SOBP: variants seen among roughly 807,000 people sequenced by gnomAD.
SOBP encodes sine oculis binding protein homolog.
SOBP carries 4 observed loss-of-function variants against 53.6 expected under a neutral mutation model. The ratio of observed to expected loss-of-function variants is 0.07; its 90% CI spans 0.04 to 0.17. The LOEUF (loss-of-function observed/expected upper bound fraction) is 0.17, where lower values mean the gene tolerates loss of function less well. Among genes scored for constraint, SOBP ranks in the 10% least tolerant of loss-of-function variants. The probability of loss-of-function intolerance (pLI) is 1.00; values close to 1 mark genes in which losing one functional copy is unlikely to be tolerated. For missense variants in SOBP, 1,088 were observed against 1,204.7 expected, an observed-to-expected ratio of 0.90 and a Z score of 1.43; for synonymous variants, 584 against 522.6, an observed-to-expected ratio of 1.12 and a Z score of -1.60.
At chr6:107,500,723 C>T (rs1474406403) in intron 1 of SOBP, among the ~76,000 whole-genome samples, 1 of 151,914 alleles carries the variant, frequency 6.6e-6, no homozygotes, top group East Asian at 1.9e-4. Context: ...GATGGGGTTT[C>T]ACCATGTTAG....
rs182029387 is a variant in SOBP at position 107,602,699 on chromosome 6, C to A, written c.669+15524C>A. ...CTCAGGTTATGTGAAGGGGTCTATT[C>A]CAGTTATGTCCTGATTTATGCTAAA... is the stretch of plus-strand genomic sequence containing the variant. On this transcript the variant is annotated intron_variant, in intron 5 of 6. Coordinates refer to ENST00000317357, the MANE Select transcript of SOBP (RefSeq NM_018013.4). Among the ~76,000 whole-genome samples the A allele has an allele frequency of 1.8e-3, 273 of 152,116 alleles. 1 individual carries two copies. Among genetic ancestry groups the A allele is most frequent in the African/African-American group, 6.3e-3 (263 of 41,510 alleles).
chr6:107,621,072 C>G, intron 5 of SOBP: 1 of 538,344 alleles, frequency 1.9e-6, no homozygotes, highest in Non-Finnish European at 2.4e-6. Flanking sequence ...GGTATGTTAT[C>G]TGGCTGCTTG....
intron 5 of SOBP, among the ~76,000 whole-genome samples, chr6:107,625,200 G>T (rs1770403219): frequency 6.6e-6 from 1 of 152,186 alleles, no homozygotes; most frequent in Non-Finnish European, 1.5e-5. Flanking sequence ...ACATCAAACT[G>T]GGGCTTGCAG....
At chr6:107,622,996 C>T (rs1395135310) in intron 5 of SOBP, among the ~76,000 whole-genome samples, 3 of 152,194 alleles carry the variant, frequency 2.0e-5, no homozygotes, top group East Asian at 3.8e-4. Context: ...GGGAATCCTA[C>T]TTTGACCACC....
At chr6:107,599,926 C>T (rs1786114750) in intron 5 of SOBP, among the ~76,000 whole-genome samples, 1 of 152,200 alleles carries the variant, frequency 6.6e-6, no homozygotes, top group Admixed American at 6.5e-5. Flanking sequence ...GGCAAAATGT[C>T]GTTTAGTCAA....
chr6:107,624,785 T>TAGA (rs1249130039), intron 5 of SOBP, among the ~76,000 whole-genome samples: 1 of 152,184 alleles, frequency 6.6e-6, no homozygotes, highest in Non-Finnish European at 1.5e-5. Context: ...GACCTATGTG[T>TAGA]AGAAGGAAAC....
chr6:107,527,979 C>G (rs1337285451), intron 3 of SOBP, among the ~76,000 whole-genome samples: 1 of 152,168 alleles, frequency 6.6e-6, no homozygotes, highest in Non-Finnish European at 1.5e-5. Context: ...TTTGGCTGCC[C>G]TCAGGTTGCC....
At position 107,634,896 on chromosome 6, in the gene SOBP, C is replaced by G; in HGVS notation, c.2052C>G (p.Ala684=). ...TCAAGGCGGAGCGCGAGCCGAGCGC[C>G]GCGGAGCGCAGGACCTGCGGCGGCT... ...AHVKAEREPS[A]AERRTCGGCR... Residue 684 remains alanine (A), a synonymous_variant, in exon 6 of 7, where the codon GCC becomes GCG. Coordinates refer to ENST00000317357, the MANE Select transcript of SOBP (RefSeq NM_018013.4). This position sits in a 1 kb window ranked among gnomAD's most constrained non-coding sequence, Gnocchi z 4.5. The G allele has an allele frequency of 7.7e-7, 1 of 1,300,668 alleles. No individual in the cohort carries two copies. The highest frequency in any genetic ancestry group is 9.9e-7 in the Non-Finnish European group (1 of 1,014,232). The allele number at this position is 1,300,668 out of a possible 1,614,324, so 80.6% of individuals were successfully genotyped here.
intron 4 of SOBP, among the ~76,000 whole-genome samples, chr6:107,569,027 A>G (rs928531046): frequency 6.6e-6 from 1 of 152,214 alleles, no homozygotes; most frequent in Non-Finnish European, 1.5e-5. Context: ...TTGTTTTAAA[A>G]GAGTTATTTT....
chr6:107,634,252 G>A lies in SOBP; in HGVS notation c.1408G>A (p.Gly470Arg), dbSNP rs1384706046. 2 of 1,373,382 alleles carry A rather than the reference G, an allele frequency of 1.5e-6. No individual in the cohort carries two copies. The highest frequency in any genetic ancestry group is 1.9e-4 in the Middle Eastern group (1 of 5,228). The allele number at this position is 1,373,382 out of a possible 1,614,324, so 85.1% of individuals were successfully genotyped here. Residue 470 changes from glycine (G) to arginine (R), a missense_variant, in exon 6 of 7, where the codon GGG (glycine) becomes AGG (arginine). This residue lies in a region of SOBP where 665 missense variants were observed against 629.7 expected (regional missense o/e 1.06). Coordinates refer to ENST00000317357, the MANE Select transcript of SOBP (RefSeq NM_018013.4). This position sits in a 1 kb window ranked among gnomAD's most constrained non-coding sequence, Gnocchi z 4.5. Reference sequence around the variant, plus strand: ...CCCCCCGAGCACCCCCACCATGCCCGGGAACCCCCCAGGCCTGCTGCCCCC... The same window carrying A: ...CCCCCCGAGCACCCCCACCATGCCCAGGAACCCCCCAGGCCTGCTGCCCCC... The part of the protein sequence containing the change: ...IHPPSTPTMP[G>R]NPPGLLPPPP...
chr6:107,583,299 A>G (rs1318652803), intron 4 of SOBP, among the ~76,000 whole-genome samples: 6 of 152,196 alleles, frequency 3.9e-5, no homozygotes, highest in Non-Finnish European at 8.8e-5. Flanking sequence ...CTTGTAGGCT[A>G]CTAGGGGAGA....
intron 5 of SOBP, among the ~76,000 whole-genome samples, chr6:107,620,939 T>C (rs144658847): frequency 0.025 from 3,836 of 152,282 alleles, 73 homozygotes; most frequent in Middle Eastern, 0.051. Flanking sequence ...ATTTCCTCCT[T>C]CAGAGTAGGC....
intron 6 of SOBP, among the ~76,000 whole-genome samples, chr6:107,650,677 G>A (rs1222192104): frequency 1.3e-5 from 2 of 152,120 alleles, no homozygotes; most frequent in South Asian, 2.1e-4. Context: ...CCACCAACTG[G>A]CTGTTCCCCC....
chr6:107,496,868 A>G (rs910067369), intron 1 of SOBP, among the ~76,000 whole-genome samples: 1 of 152,242 alleles, frequency 6.6e-6, no homozygotes, highest in Non-Finnish European at 1.5e-5. Flanking sequence ...TTTCTTTTGC[A>G]CTATTTAAAT....
intron 4 of SOBP, 48 bp from the exon 5 acceptor site, chr6:107,587,032 C>A: frequency 7.1e-7 from 1 of 1,416,294 alleles, no homozygotes; most frequent in South Asian, 1.1e-5. Flanking sequence ...AGCTTTTTTT[C>A]TTCCATTATT....
chr6:107,532,906 T>C (rs1263047984), intron 3 of SOBP, among the ~76,000 whole-genome samples: 1 of 152,220 alleles, frequency 6.6e-6, no homozygotes, highest in Non-Finnish European at 1.5e-5. Flanking sequence ...CTTTCCTTTT[T>C]GACTAAACGT....
intron 5 of SOBP, among the ~76,000 whole-genome samples, chr6:107,607,343 G>A (rs1786422763): frequency 6.6e-6 from 1 of 152,168 alleles, no homozygotes; most frequent in Non-Finnish European, 1.5e-5. Context: ...GTAGCCACCT[G>A]GAATTTCTGG....
At chr6:107,529,036 G>T (rs948144139) in intron 3 of SOBP, among the ~76,000 whole-genome samples, 6 of 152,176 alleles carry the variant, frequency 3.9e-5, no homozygotes, top group Non-Finnish European at 7.3e-5. Flanking sequence ...GGGCACCTGC[G>T]AAGTACTGCT....
chr6:107,621,588 C>T (rs1770178568), intron 5 of SOBP, among the ~76,000 whole-genome samples: 1 of 152,192 alleles, frequency 6.6e-6, no homozygotes, highest in African/African-American at 2.4e-5. Context: ...AGACGATAGG[C>T]AATCCAAATT....
Sources: allele counts gnomAD v4.1 joint callset (sites outside exome capture counted in the v4.1 genomes callset), GRCh38; gene constraint gnomAD v4.1.1; regional missense constraint gnomAD v4.1.1; non-coding constraint Gnocchi (gnomAD v3.1); transcripts MANE v1.5; gene names NCBI Gene and HGNC (gene_info 2026-07-23, HGNC 2026-07-21).